The following GRIK3 variants were observed in gnomAD, a reference collection of about 807,000 sequenced individuals.
GRIK3 encodes the protein glutamate receptor ionotropic, kainate 3.
GRIK3 carries 29 observed loss-of-function variants against 102.5 expected under a neutral mutation model. The ratio of observed to expected loss-of-function variants is 0.28; its 90% CI spans 0.21 to 0.39. The LOEUF (loss-of-function observed/expected upper bound fraction) is 0.39. GRIK3 is among the 10% of genes least tolerant of loss of function. GRIK3 has a pLI of 1.00. For missense variants in GRIK3, 908 were observed against 1,252.4 expected (o/e 0.73, Z 4.15); for synonymous variants, 511 against 504.9 (o/e 1.01, Z -0.16).
intron 1 of GRIK3, among the ~76,000 whole-genome samples, chr1:37,024,445 C>CTATTATTATTATTATTATTAT (rs10630686): frequency 9.6e-5 from 14 of 145,642 alleles, no homozygotes; most frequent in African/African-American, 2.5e-4. Flanking sequence ...GCAGGTACAA[C>CTATTATTATTATTATTATTAT]TATTATTATT....
chr1:36,932,002 CT>C (rs1159064245), intron 1 of GRIK3, among the ~76,000 whole-genome samples: 3 of 152,182 alleles, frequency 2.0e-5, no homozygotes, highest in Non-Finnish European at 4.4e-5. Context: ...GTCCTGCCCC[CT>C]ATCTGACCTG....
chr1:36,953,166 G>A (rs1641865271), intron 1 of GRIK3, among the ~76,000 whole-genome samples: 1 of 152,222 alleles, frequency 6.6e-6, no homozygotes, highest in Non-Finnish European at 1.5e-5. Context: ...TGAGGACAAC[G>A]TGTGGACAGC....
At chr1:36,958,020 CTG>C (rs1206668352) in intron 1 of GRIK3, among the ~76,000 whole-genome samples, 10 of 120,934 alleles carry the variant, frequency 8.3e-5, no homozygotes, top group Non-Finnish European at 1.7e-4. Flanking sequence ...CCCGGTGAGT[CTG>C]TGCCCCATGA....
chr1:36,860,947 G>A (rs1640716738), intron 5 of GRIK3, among the ~76,000 whole-genome samples: 1 of 152,180 alleles, frequency 6.6e-6, no homozygotes, highest in Non-Finnish European at 1.5e-5. Context: ...ACCTGGGTTT[G>A]ACTTCATTGT....
intron 3 of GRIK3, among the ~76,000 whole-genome samples, chr1:36,875,253 T>TTTTG (rs535182855): frequency 6.6e-6 from 1 of 152,160 alleles, no homozygotes. Flanking sequence ...CATCCCAGGT[T>TTTTG]TTTGTTTGTT....
intron 2 of GRIK3, among the ~76,000 whole-genome samples, chr1:36,884,640 T>C (rs1390005055): frequency 1.3e-5 from 2 of 152,170 alleles, no homozygotes; most frequent in African/African-American, 2.4e-5. Flanking sequence ...CCTCATACTC[T>C]CTCCTACCTT....
At chr1:36,981,095 C>T (rs1642244073) in intron 1 of GRIK3, among the ~76,000 whole-genome samples, 1 of 152,214 alleles carries the variant, frequency 6.6e-6, no homozygotes, top group South Asian at 2.1e-4. Context: ...GATGGAGAAA[C>T]TGAGGCTCAG....
intron 1 of GRIK3, among the ~76,000 whole-genome samples, chr1:36,904,283 C>T (rs992558585): frequency 7.2e-5 from 11 of 152,176 alleles, no homozygotes; most frequent in Non-Finnish European, 1.3e-4. Flanking sequence ...ATCGACATGC[C>T]GAGCACGTGC....
chr1:36,869,004 T>C (rs479729), intron 5 of GRIK3, among the ~76,000 whole-genome samples: 136,997 of 152,240 alleles, frequency 0.9, 61,856 homozygotes, highest in East Asian at 0.99. Flanking sequence ...GTCACTCACC[T>C]CAGACCTGGG....
chr1:36,826,907 A>C (rs913822113), intron 10 of GRIK3, among the ~76,000 whole-genome samples: 3 of 152,146 alleles, frequency 2.0e-5, no homozygotes, highest in African/African-American at 7.2e-5. Context: ...CCATCTTTCC[A>C]GGACCCCACT....
Position 36,880,482 on chromosome 1 carries a change from G to A in GRIK3, c.550+152C>T. 1.3e-6 allele frequency: 1 copy of A among 791,112 alleles called. No individual in the cohort carries two copies. Among genetic ancestry groups the A allele is most frequent in the African/African-American group, 1.7e-5 (1 of 58,854 alleles). 49.0% of individuals were successfully genotyped at this position (791,112 alleles called of 1,614,324 possible). ...GTGCACAGGGTGTGAGTGGGTGCAG[G>A]GGTGAACATCAGCATAACCGAGTGG... On this transcript the variant is annotated intron_variant, in intron 3 of 15. Coordinates refer to ENST00000373091, the MANE Select transcript of GRIK3 (RefSeq NM_000831.4). This position sits in a 1 kb window ranked among gnomAD's most constrained non-coding sequence, Gnocchi z 5.4.
At chr1:36,945,935 G>C (rs1031547308) in intron 1 of GRIK3, among the ~76,000 whole-genome samples, 2 of 152,152 alleles carry the variant, frequency 1.3e-5, no homozygotes, top group Non-Finnish European at 2.9e-5. Flanking sequence ...CTACGTTCTG[G>C]AGCATCCTGA....
At chr1:36,879,685 G>A (rs1640944536) in intron 3 of GRIK3, among the ~76,000 whole-genome samples, 2 of 152,178 alleles carry the variant, frequency 1.3e-5, no homozygotes, top group Admixed American at 1.3e-4. Context: ...GCTGGACTTG[G>A]AAGGCAGGGC....
At chr1:36,927,657 G>A (rs1641542430) in intron 1 of GRIK3, among the ~76,000 whole-genome samples, 1 of 152,120 alleles carries the variant, frequency 6.6e-6, no homozygotes, top group Non-Finnish European at 1.5e-5. Context: ...GAAAAGGGAG[G>A]CAAGAACGAA....
At chr1:36,804,805 G>A (rs1480327657) in intron 15 of GRIK3, 182 bp downstream of exon 15, 6 of 742,710 alleles carry the variant, frequency 8.1e-6, no homozygotes, top group Non-Finnish European at 1.3e-5. Flanking sequence ...GGGCAACGGC[G>A]ATGGAAAAAA....
In GRIK3 at chr1:36,917,139, G is replaced by A. The variant is rs558598854; in HGVS notation, c.116-26043C>T. On this transcript the variant is annotated intron_variant, in intron 1 of 15. Transcript: ENST00000373091. ...AAAGGAGATCATTTTGGAGCTTTAA[G>A]ATTTGAGTGCCCTGCTGGATTTCAG... Among the ~76,000 whole-genome samples, 13 of 152,340 alleles carry A rather than the reference G, an allele frequency of 8.5e-5. No homozygotes were observed. In the South Asian group the frequency reaches 2.1e-3, roughly 24 times the overall value.
intron 10 of GRIK3, among the ~76,000 whole-genome samples, chr1:36,830,021 C>G (rs1010495445): frequency 4.6e-5 from 7 of 152,344 alleles, no homozygotes; most frequent in African/African-American, 1.4e-4. Context: ...TGTCTGGTGT[C>G]CCTGCTGGAA....
chr1:36,890,030 GAA>G (rs1641084362), intron 2 of GRIK3, among the ~76,000 whole-genome samples: 1 of 152,120 alleles, frequency 6.6e-6, no homozygotes. Context: ...GGCATGCTGG[GAA>G]AAGAGTGGCA....
Position 36,859,849 on chromosome 1 carries a change from T to A in GRIK3, c.955A>T (p.Met319Leu). ...RSESGLLDGV[M>L]MTDAALLYDA... ...ACCTCACCCAGCCGCCTTACCATCATCACTCCATCCAGCAGGCCAGACTCG... is the reference window on the plus strand; with the variant it reads ...ACCTCACCCAGCCGCCTTACCATCAACACTCCATCCAGCAGGCCAGACTCG... Residue 319 changes from methionine to leucine, a missense_variant, in exon 6 of 16, where the codon ATG becomes TTG. Met to Leu is a conservative substitution (Grantham distance 15, BLOSUM62 2). Around this residue, in one of 3 missense-constraint regions of GRIK3, gnomAD observed 585 missense variants for 824.9 expected, o/e 0.71. Coordinates refer to ENST00000373091, the MANE Select transcript of GRIK3 (RefSeq NM_000831.4). 2 of 1,613,330 alleles carry A rather than the reference T, an allele frequency of 1.2e-6. No individual in the cohort carries two copies. The highest frequency in any genetic ancestry group is 8.5e-7 in the Non-Finnish European group (1 of 1,179,388).
Sources: allele counts gnomAD v4.1 joint callset (sites outside exome capture counted in the v4.1 genomes callset), GRCh38; gene constraint gnomAD v4.1.1; regional missense constraint gnomAD v4.1.1; non-coding constraint Gnocchi (gnomAD v3.1); transcripts MANE v1.5; gene names NCBI Gene and HGNC (gene_info 2026-07-23, HGNC 2026-07-21).